NDST3: variants seen among roughly 807,000 people sequenced by gnomAD.
The protein encoded by NDST3 is bifunctional heparan sulfate N-deacetylase/N-sulfotransferase 3.
NDST3 carries 58 observed loss-of-function variants against 96.1 expected under a neutral mutation model. The ratio of observed to expected loss-of-function variants is 0.60; its 90% confidence interval spans 0.49 to 0.75. NDST3 has a LOEUF of 0.75. Among genes scored for constraint, NDST3 ranks in the 30% least tolerant of loss-of-function variants. The probability of loss-of-function intolerance (pLI) is 0.00; values close to 1 mark genes in which losing one functional copy is unlikely to be tolerated. For synonymous variants in NDST3, 333 were observed against 359.7 expected (o/e 0.93, Z 0.84); for missense variants, 788 against 1,034.2 (o/e 0.76, Z 3.27).
At chr4:118,212,767 A>G (rs1340864916) in intron 6 of NDST3, among the ~76,000 whole-genome samples, 3 of 152,172 alleles carry the variant, frequency 2.0e-5, no homozygotes, top group Non-Finnish European at 2.9e-5. Context: ...GCTCCAAAGT[A>G]TAAGTATACT....
upstream of NDST3, among the ~76,000 whole-genome samples, chr4:118,034,190 T>C (rs140679676): frequency 3.4e-3 from 520 of 152,366 alleles, 3 homozygotes; most frequent in African/African-American, 0.011. Flanking sequence ...GTTATTTGCT[T>C]GCTCATATTT....
intron 4 of NDST3, among the ~76,000 whole-genome samples, chr4:118,132,200 C>G (rs1732686950): frequency 6.6e-6 from 1 of 152,104 alleles, no homozygotes; most frequent in East Asian, 1.9e-4. Flanking sequence ...TGTCTGGGAG[C>G]CAAGGATTAG....
At chr4:118,244,935 C>A (rs1178352235) in intron 12 of NDST3, among the ~76,000 whole-genome samples, 1 of 151,938 alleles carries the variant, frequency 6.6e-6, no homozygotes, top group Non-Finnish European at 1.5e-5. Context: ...ATGAAATAAG[C>A]AAAATAAGCT....
chr4:118,181,570 A>T (rs1336198664), intron 6 of NDST3, among the ~76,000 whole-genome samples: 1 of 152,186 alleles, frequency 6.6e-6, no homozygotes, highest in Non-Finnish European at 1.5e-5. Context: ...GAGACCAGAG[A>T]GGCCTTAAAT....
intron 6 of NDST3, chr4:118,193,942 G>A (rs1737490915): frequency 1.5e-5 from 14 of 940,396 alleles, no homozygotes; most frequent in Non-Finnish European, 2.3e-5. Context: ...CTTCCTTGAA[G>A]TACACAGTGT....
chr4:118,125,053 A>C (rs1273163593), intron 4 of NDST3, among the ~76,000 whole-genome samples: 1 of 151,940 alleles, frequency 6.6e-6, no homozygotes, highest in East Asian at 1.9e-4. Context: ...ACATGATTGA[A>C]CTCAATTTCC....
chr4:118,172,326 C>A (rs1336353549), intron 6 of NDST3, among the ~76,000 whole-genome samples: 1 of 152,112 alleles, frequency 6.6e-6, no homozygotes, highest in Non-Finnish European at 1.5e-5. Flanking sequence ...GATTCCACTT[C>A]TAGGGATGTC....
At chr4:118,208,929 T>TC (rs1295371804) in intron 6 of NDST3, among the ~76,000 whole-genome samples, 2 of 141,950 alleles carry the variant, frequency 1.4e-5, no homozygotes, top group Non-Finnish European at 3.1e-5. Flanking sequence ...GATAACCCTC[T>TC]CCCCCCAGAG....
intron 8 of NDST3, among the ~76,000 whole-genome samples, chr4:118,231,363 A>C (rs932558236): frequency 6.7e-6 from 1 of 150,314 alleles, no homozygotes; most frequent in African/African-American, 2.4e-5. Flanking sequence ...AATAATAATA[A>C]TACTATTTAA....
At chr4:118,056,108 A>G (rs1725411301) in intron 2 of NDST3, among the ~76,000 whole-genome samples, 1 of 151,986 alleles carries the variant, frequency 6.6e-6, no homozygotes, top group South Asian at 2.1e-4. Flanking sequence ...TTAAGCATTT[A>G]TTAGGTGTTT....
At chr4:118,053,519 T>A (rs1432447999) in intron 1 of NDST3, among the ~76,000 whole-genome samples, 2 of 151,926 alleles carry the variant, frequency 1.3e-5, no homozygotes, top group African/African-American at 2.4e-5. Flanking sequence ...CATGAAATTT[T>A]CTGTTAGCCC....
chr4:118,081,766 T>C (rs936908438), intron 2 of NDST3, among the ~76,000 whole-genome samples: 1 of 152,196 alleles, frequency 6.6e-6, no homozygotes, highest in South Asian at 2.1e-4. Context: ...CTGTGAATTA[T>C]ACCTGCCAGT....
intron 2 of NDST3, among the ~76,000 whole-genome samples, chr4:118,084,274 C>T (rs1344455270): frequency 2.0e-5 from 3 of 151,920 alleles, no homozygotes; most frequent in Non-Finnish European, 2.9e-5. Flanking sequence ...ATGTTATTTG[C>T]TTCACTATAG....
rs538802585 is a variant in NDST3, at chr4:118,070,908, T to C, written c.981+16017T>C. Among the ~76,000 whole-genome samples, 29 of 152,218 alleles carry C rather than the reference T, an allele frequency of 1.9e-4. No individual in the cohort carries two copies. The South Asian group carries it at 6.0e-3, about 32-fold the overall frequency. On this transcript the variant is annotated intron_variant, in intron 2 of 13. Transcript: ENST00000296499. The stretch of plus-strand genomic sequence containing the variant: ...TGAGAACATAAGGTGTTTGGTTTTT[T>C]GTCCTTGCGATAGCTTGCTGAGAAT...
intron 4 of NDST3, among the ~76,000 whole-genome samples, chr4:118,130,766 A>T (rs1578695606): frequency 6.6e-6 from 1 of 152,302 alleles, no homozygotes. Context: ...GGTGTTGATG[A>T]AATTCCTCAG....
chr4:118,241,667 G>GT (rs1741016153), intron 11 of NDST3, among the ~76,000 whole-genome samples: 1 of 152,192 alleles, frequency 6.6e-6, no homozygotes, highest in African/African-American at 2.4e-5. Flanking sequence ...TTACATCTGA[G>GT]TTTATTATAA....
intron 6 of NDST3, among the ~76,000 whole-genome samples, chr4:118,166,888 G>A (rs1735588794): frequency 1.3e-5 from 2 of 151,606 alleles, no homozygotes; most frequent in South Asian, 4.2e-4. Flanking sequence ...GGAATAAAAG[G>A]AAATTACCTC....
chr4:118,072,215 CTTT>C (rs963029539), intron 2 of NDST3, among the ~76,000 whole-genome samples: 9 of 151,682 alleles, frequency 5.9e-5, no homozygotes, highest in African/African-American at 2.2e-4. Flanking sequence ...TATTCAGGCA[CTTT>C]TTTTTGTTTC....
At chr4:118,076,145 G>A (rs1727508845) in intron 2 of NDST3, among the ~76,000 whole-genome samples, 1 of 152,130 alleles carries the variant, frequency 6.6e-6, no homozygotes. Context: ...CTGGCTTGGA[G>A]GGTTTCTTCT....
Sources: gnomAD v4.1 joint callset for allele counts (sites outside exome capture counted in the v4.1 genomes callset) on GRCh38, gnomAD v4.1.1 for gene constraint, MANE v1.5 for transcripts, NCBI Gene and HGNC (gene_info 2026-07-23, HGNC 2026-07-21) for gene names.